NTNG1: variants seen among roughly 807,000 people sequenced by gnomAD.
NTNG1 encodes netrin-G1.
In NTNG1, 16 loss-of-function variants were observed where a neutral mutation model predicts 54.0. The ratio of observed to expected loss-of-function variants is 0.30; its 90% CI spans 0.20 to 0.45. NTNG1 has a LOEUF of 0.45. NTNG1 is among the 20% of genes least tolerant of loss of function. The pLI is 1.00. For missense variants in NTNG1, 530 were observed against 678.7 expected (o/e 0.78, Z 2.43); for synonymous variants, 255 against 263.1 (o/e 0.97, Z 0.30).
At chr1:107,418,666 T>C (rs775954774) in intron 5 of NTNG1, 19 of 1,536,478 alleles carry the variant, frequency 1.2e-5, no homozygotes, top group Non-Finnish European at 1.6e-5. Context: ...GTAAAATTCC[T>C]ACGGACATAA....
intron 2 of NTNG1, among the ~76,000 whole-genome samples, chr1:107,162,086 T>G (rs1207037964): frequency 1.3e-5 from 2 of 149,984 alleles, no homozygotes; most frequent in African/African-American, 4.9e-5. Context: ...CATAACTCAT[T>G]AATGGAAATT....
chr1:107,146,314 C>T (rs1654111353), intron 1 of NTNG1, among the ~76,000 whole-genome samples: 2 of 151,990 alleles, frequency 1.3e-5, no homozygotes, highest in African/African-American at 4.8e-5. Flanking sequence ...TCCCCCGGCC[C>T]TTTGGAAAGT....
rs79082296 is a variant in NTNG1 at position 107,170,951 on chromosome 1, T to C, written c.246+22112T>C. ...TTAATAATGGGACCATCAATACTTA[T>C]AGCATCGTACAAATATTTAGTGTCC... On this transcript the variant is annotated intron_variant, in intron 2 of 7. Transcript: ENST00000370068. 3.2e-3 allele frequency among the ~76,000 whole-genome samples: 493 copies of C among 152,230 alleles called. 7 individuals carry two copies. In the East Asian group the frequency reaches 0.035, roughly 11 times the overall value.
chr1:107,281,761 G>A (rs1198198155), intron 2 of NTNG1, among the ~76,000 whole-genome samples: 2 of 151,912 alleles, frequency 1.3e-5, no homozygotes, highest in Non-Finnish European at 2.9e-5. Flanking sequence ...TTTGCTAACT[G>A]TCCATGACAA....
intron 2 of NTNG1, among the ~76,000 whole-genome samples, chr1:107,247,532 A>G (rs1268664191): frequency 6.6e-6 from 1 of 152,208 alleles, no homozygotes; most frequent in Non-Finnish European, 1.5e-5. Context: ...TGACAGACCT[A>G]TGCTCGAAAA....
chr1:107,234,311 T>A (rs1048527486), intron 2 of NTNG1, among the ~76,000 whole-genome samples: 12 of 152,102 alleles, frequency 7.9e-5, no homozygotes, highest in South Asian at 6.2e-4. Flanking sequence ...TTAGTAGACA[T>A]GTGTTTCCCC....
intron 2 of NTNG1, among the ~76,000 whole-genome samples, chr1:107,166,399 T>C (rs1330129290): frequency 6.6e-6 from 1 of 152,186 alleles, no homozygotes; most frequent in African/African-American, 2.4e-5. Flanking sequence ...CATAATATAC[T>C]ACCATCGTTT....
intron 5 of NTNG1, among the ~76,000 whole-genome samples, chr1:107,414,459 C>T: frequency 6.6e-6 from 1 of 152,054 alleles, no homozygotes; most frequent in East Asian, 1.9e-4. Flanking sequence ...GGTTAGAAAT[C>T]AAATATTGTC....
At chr1:107,407,604 G>A (rs749261054) in intron 4 of NTNG1, 78 bp from the exon 5 acceptor site, 10 of 1,219,856 alleles carry the variant, frequency 8.2e-6, no homozygotes, top group Non-Finnish European at 1.2e-5. Flanking sequence ...AAGTTTCTAA[G>A]ATTTTTATAT....
At chr1:107,479,902 G>T (rs1000979186) in intron 7 of NTNG1, among the ~76,000 whole-genome samples, 1 of 151,962 alleles carries the variant, frequency 6.6e-6, no homozygotes, top group Non-Finnish European at 1.5e-5. Context: ...TACTATTCCC[G>T]GAAATCAAGG....
intron 2 of NTNG1, among the ~76,000 whole-genome samples, chr1:107,177,214 T>C (rs1352329897): frequency 6.6e-6 from 1 of 152,206 alleles, no homozygotes; most frequent in Non-Finnish European, 1.5e-5. Flanking sequence ...TACCCTGTTT[T>C]ATTTAAGTTT....
intron 3 of NTNG1, among the ~76,000 whole-genome samples, chr1:107,344,758 C>T (rs779176653): frequency 6.6e-6 from 1 of 152,074 alleles, no homozygotes; most frequent in Non-Finnish European, 1.5e-5. Flanking sequence ...AATTCTAAAA[C>T]ATTTTTCTCA....
intron 2 of NTNG1, among the ~76,000 whole-genome samples, chr1:107,238,114 A>G (rs1394211418): frequency 2.6e-5 from 4 of 152,170 alleles, no homozygotes; most frequent in Non-Finnish European, 4.4e-5. Context: ...AAGCCACAGG[A>G]GTGGAGCTGC....
At chr1:107,433,010 T>G (rs1029916608) in intron 6 of NTNG1, among the ~76,000 whole-genome samples, 1 of 152,216 alleles carries the variant, frequency 6.6e-6, no homozygotes, top group African/African-American at 2.4e-5. Flanking sequence ...TGTCTGTCTT[T>G]TAAATCAGAT....
At chr1:107,372,802 A>C (rs1004541642) in intron 3 of NTNG1, among the ~76,000 whole-genome samples, 1 of 152,116 alleles carries the variant, frequency 6.6e-6, no homozygotes, top group South Asian at 2.1e-4. Flanking sequence ...TGCTTAATTC[A>C]ATTTAAAGTT....
At chr1:107,455,115 G>A (rs1676864550) in intron 7 of NTNG1, among the ~76,000 whole-genome samples, 2 of 151,588 alleles carry the variant, frequency 1.3e-5, no homozygotes, top group Admixed American at 1.3e-4. Flanking sequence ...CCAGGCTGGA[G>A]TGCAATGGGG....
chr1:107,321,642 T>G (rs1040863487), intron 2 of NTNG1, among the ~76,000 whole-genome samples: 3 of 152,164 alleles, frequency 2.0e-5, no homozygotes, highest in Admixed American at 2.0e-4. Context: ...CGTGGTCACA[T>G]AAACCTATGT....
chr1:107,263,543 C>A (rs1447047818), intron 2 of NTNG1, among the ~76,000 whole-genome samples: 1 of 152,080 alleles, frequency 6.6e-6, no homozygotes, highest in African/African-American at 2.4e-5. Flanking sequence ...GGGGAGGTTG[C>A]TTAGTGGAGT....
chr1:107,143,785 TG>T (rs1232025138), intron 1 of NTNG1, among the ~76,000 whole-genome samples: 1 of 152,146 alleles, frequency 6.6e-6, no homozygotes, highest in Non-Finnish European at 1.5e-5. Context: ...GTTTTTCATG[TG>T]GTAATTAAAT....
Sources: allele counts gnomAD v4.1 joint callset (sites outside exome capture counted in the v4.1 genomes callset), GRCh38; gene constraint gnomAD v4.1.1; transcripts MANE v1.5; gene names NCBI Gene and HGNC (gene_info 2026-07-23, HGNC 2026-07-21).